The following FHL1 variants were observed in gnomAD, a reference collection of about 807,000 sequenced individuals.
FHL1 encodes four and a half LIM domains protein 1.
Under a neutral mutation model 20.3 loss-of-function variants are expected in FHL1, and 1 was observed. That is an observed-to-expected ratio of 0.05 (90% CI 0.02 to 0.23). The LOEUF (loss-of-function observed/expected upper bound fraction) is 0.23. Among genes scored for constraint, FHL1 ranks in the 10% least tolerant of loss-of-function variants. The pLI is 1.00. For synonymous variants in FHL1, 82 were observed against 88.9 expected (o/e 0.92, Z 0.44); for missense variants, 177 against 234.0 (o/e 0.76, Z 1.59).
chrX:136,199,538 G>A (rs1304916703), intron 1 of FHL1, among the ~76,000 whole-genome samples: 2 of 112,289 alleles, frequency 1.8e-5, no homozygotes, highest in African/African-American at 6.5e-5. Flanking sequence ...ACACCTCCAG[G>A]TGCATTAGCA....
intron 2 of FHL1, among the ~76,000 whole-genome samples, chrX:136,170,804 CA>C (rs1183632205): frequency 1.8e-5 from 2 of 111,020 alleles, no homozygotes; most frequent in African/African-American, 6.6e-5. Context: ...CAGGCTTTGC[CA>C]TTTCATCCCT....
intron 1 of FHL1, among the ~76,000 whole-genome samples, chrX:136,198,349 A>G (rs2073614787): frequency 8.9e-6 from 1 of 111,947 alleles, no homozygotes; most frequent in Non-Finnish European, 1.9e-5. Context: ...CAGAATAGTG[A>G]CAGAAAGTTT....
At chrX:136,188,534 T>C (rs1218136160) in intron 2 of FHL1, among the ~76,000 whole-genome samples, 3 of 111,422 alleles carry the variant, frequency 2.7e-5, no homozygotes, top group Non-Finnish European at 3.8e-5. Flanking sequence ...CCTGAAAATA[T>C]AGCCTCTCTG....
chrX:136,182,672 A>C (rs1180780725), intron 2 of FHL1: 1 of 112,010 alleles, frequency 8.9e-6, no homozygotes, highest in Non-Finnish European at 1.9e-5. Flanking sequence ...ACCATTTCCA[A>C]GCAGTTTTTC....
intron 5 of FHL1, chrX:136,209,517 C>G: frequency 9.6e-7 from 1 of 1,043,351 alleles, no homozygotes; most frequent in South Asian, 2.0e-5. Flanking sequence ...TGACCTAAAT[C>G]AAAGAAACTG....
In FHL1 at chrX:136,210,402, C is replaced by T. The variant is rs1299788189; in HGVS notation, c.*377C>T. ...GATGCCTCTCATGCCTCAGCTGGGA[C>T]CCACCGTGTAGACACACGACATGCA... On this transcript the variant is annotated 3_prime_UTR_variant, in exon 6 of 6. Transcript: ENST00000370683. The T allele has an allele frequency of 2.5e-6, 1 of 394,792 alleles. No homozygotes were observed. The highest frequency in any genetic ancestry group is 4.7e-6 in the Non-Finnish European group (1 of 211,671). The allele number at this position is 394,792 out of a possible 1,213,427, so 32.5% of individuals were successfully genotyped here.
upstream of FHL1, among the ~76,000 whole-genome samples, chrX:136,168,474 T>C (rs1337244208): frequency 1.8e-5 from 2 of 111,949 alleles, no homozygotes; most frequent in Non-Finnish European, 3.8e-5. Flanking sequence ...ATTCATATGA[T>C]AGAATATGAA....
intron 2 of FHL1, among the ~76,000 whole-genome samples, chrX:136,183,584 G>A (rs1392154132): frequency 8.9e-6 from 1 of 111,999 alleles, no homozygotes; most frequent in Non-Finnish European, 1.9e-5. Flanking sequence ...TTTCAAATCA[G>A]ATGAAATTTA....
chrX:136,210,985 A>G lies in FHL1; in HGVS notation c.*960A>G, dbSNP rs1266551010. The G allele has an allele frequency of 2.7e-6, 1 of 376,012 alleles. No homozygotes were observed. Among genetic ancestry groups the G allele is most frequent in the East Asian group, 5.7e-5 (1 of 17,433 alleles). 31.0% of individuals were successfully genotyped at this position (376,012 alleles called of 1,213,427 possible). On this transcript the variant is annotated 3_prime_UTR_variant, in exon 6 of 6. Transcript: ENST00000370683. ...GGCGCCAGGGCTGTCATCAACATGG[A>G]TATGACATTTCACAACAGTGACTAG...
chrX:136,163,145 C>T (rs1244293973), intron 1 of FHL1, among the ~76,000 whole-genome samples: 1 of 112,300 alleles, frequency 8.9e-6, no homozygotes, highest in Non-Finnish European at 1.9e-5. Flanking sequence ...CTCTCAATAC[C>T]ATCACATTGT....
chrX:136,171,211 C>T (rs181173214), intron 2 of FHL1, among the ~76,000 whole-genome samples: 74 of 111,118 alleles, frequency 6.7e-4, no homozygotes, highest in African/African-American at 2.3e-3. Context: ...CCTGCCATAG[C>T]TCTCATTCAT....
intron 2 of FHL1, among the ~76,000 whole-genome samples, chrX:136,174,207 A>G (rs1471133673): frequency 8.9e-6 from 1 of 112,062 alleles, no homozygotes; most frequent in East Asian, 2.8e-4. Flanking sequence ...TCAGCTTGCT[A>G]ATTTTCAGGG....
chrX:136,210,930 A>G lies in FHL1; in HGVS notation c.*905A>G, dbSNP rs546753583. 5.0e-4 allele frequency: 192 copies of G among 381,537 alleles called. No individual in the cohort carries two copies. The highest frequency in any genetic ancestry group is 4.0e-3 in the African/African-American group (162 of 40,453). 31.4% of individuals were successfully genotyped at this position (381,537 alleles called of 1,213,427 possible). A position where few individuals can be genotyped will look rare whatever the true frequency, so the allele number is the denominator to read the frequency against. On this transcript the variant is annotated 3_prime_UTR_variant, in exon 6 of 6. Coordinates refer to ENST00000370683, the MANE Select transcript of FHL1 (RefSeq NM_001159699.2). ...TGCTGAAATTCATCCTACGGAAGTA[A>G]CCGCAAAACTCTAGAGGGGGAGTTG...
chrX:136,171,253 TA>T (rs907713860), intron 2 of FHL1, among the ~76,000 whole-genome samples: 2 of 110,450 alleles, frequency 1.8e-5, no homozygotes, highest in Admixed American at 9.7e-5. Flanking sequence ...TTTTCAAACT[TA>T]AAAAAAATGA....
chrX:136,206,552 T>C lies in FHL1; in HGVS notation c.168T>C (p.Cys56=), dbSNP rs1192668098. ...KCFDKFCANT[C]VECRKPIGAD... is the part of the protein sequence containing the mutation. The stretch of plus-strand genomic sequence containing the variant: ...TTGACAAGTTCTGTGCCAACACCTG[T>C]GTGGAATGCCGCAAGCCCATCGGTG... The change falls in exon 2 of 6, where the codon TGT becomes TGC. Residue 56 remains cysteine, a synonymous_variant. Transcript: ENST00000370683. The C allele has an allele frequency of 4.9e-6, 6 of 1,212,485 alleles. No individual in the cohort carries two copies. The highest frequency in any genetic ancestry group is 5.9e-5 in the East Asian group (2 of 33,848).
intron 1 of FHL1, chrX:136,148,656 T>C (rs187867279): frequency 1.8e-5 from 2 of 111,698 alleles, no homozygotes; most frequent in African/African-American, 6.5e-5. Context: ...GGTTAAAAAA[T>C]CATCAAGGCT....
intron 3 of FHL1, 58 bp from the exon 4 acceptor site, chrX:136,207,734 T>G: frequency 3.4e-6 from 4 of 1,181,228 alleles, no homozygotes; most frequent in Non-Finnish European, 4.6e-6. Context: ...GGGAGCTGAG[T>G]GGATGCAGCC....
chrX:136,189,749 A>ATGT (rs1484743954), intron 2 of FHL1, among the ~76,000 whole-genome samples: 14 of 111,805 alleles, frequency 1.3e-4, no homozygotes, highest in African/African-American at 4.6e-4. Context: ...TACAACCAGT[A>ATGT]AGTGATAGAG....
chrX:136,165,943 T>C (rs2072697682), upstream of FHL1, among the ~76,000 whole-genome samples: 1 of 112,487 alleles, frequency 8.9e-6, no homozygotes, highest in Non-Finnish European at 1.9e-5. Context: ...GGGATATGAT[T>C]ATCATGATCT....
Sources: gnomAD v4.1 joint callset for allele counts (sites outside exome capture counted in the v4.1 genomes callset) on GRCh38, gnomAD v4.1.1 for gene constraint, MANE v1.5 for transcripts, NCBI Gene and HGNC (gene_info 2026-07-23, HGNC 2026-07-21) for gene names.